The following ACSS1 variants were observed in gnomAD, a reference collection of about 807,000 sequenced individuals.
The protein encoded by ACSS1 is acetyl-coenzyme A synthetase 2-like, mitochondrial.
In ACSS1, 42 loss-of-function variants were observed where a neutral mutation model predicts 75.3. The ratio of observed to expected loss-of-function variants is 0.56; its 90% confidence interval spans 0.44 to 0.72. The LOEUF (loss-of-function observed/expected upper bound fraction) is 0.72, where lower values mean the gene tolerates loss of function less well. ACSS1 is among the 30% of genes least tolerant of loss of function. The pLI, the probability that ACSS1 is intolerant of heterozygous loss-of-function variation, is 0.00. For synonymous variants in ACSS1, 380 were observed against 376.8 expected (o/e 1.01, Z -0.10); for missense variants, 782 against 935.7 (o/e 0.84, Z 2.14).
intron 2 of ACSS1, among the ~76,000 whole-genome samples, chr20:25,037,032 A>AAGGAAGGAAGGAAGGAAGGAAG (rs1600336466): frequency 4.0e-5 from 4 of 100,106 alleles, no homozygotes; most frequent in Non-Finnish European, 6.4e-5. Context: ...AAGGAAGGAA[A>AAGGAAGGAAGGAAGGAAGGAAG]GAAAGAAAGA....
At chr20:25,014,661 G>C (rs376861413) in intron 8 of ACSS1, among the ~76,000 whole-genome samples, 1 of 152,170 alleles carries the variant, frequency 6.6e-6, no homozygotes, top group African/African-American at 2.4e-5. Flanking sequence ...CCCAAGAGAA[G>C]GGGGGACAAA....
At chr20:25,034,856 T>C (rs1985485) in intron 2 of ACSS1, among the ~76,000 whole-genome samples, 138,933 of 152,010 alleles carry the variant, frequency 0.91, 63,698 homozygotes, top group East Asian at 1. Context: ...GCATGAGCTA[T>C]CACCACGCCA....
intron 1 of ACSS1, among the ~76,000 whole-genome samples, chr20:25,052,345 A>G (rs1306288475): frequency 6.6e-6 from 1 of 152,230 alleles, no homozygotes; most frequent in Non-Finnish European, 1.5e-5. Context: ...AGTGTAGCTG[A>G]AACTCCACCT....
At chr20:25,050,781 A>G (rs2089164908) in intron 1 of ACSS1, among the ~76,000 whole-genome samples, 1 of 152,028 alleles carries the variant, frequency 6.6e-6, no homozygotes, top group African/African-American at 2.4e-5. Flanking sequence ...ACAGCCTCCC[A>G]GCCCAGCAGG....
chr20:25,006,546 G>A lies in ACSS1; in HGVS notation c.*1216C>T. The A allele has an allele frequency of 3.1e-6, 1 of 318,512 alleles. No homozygotes were observed. The highest frequency in any genetic ancestry group is 4.4e-5 in the South Asian group (1 of 22,698). 19.7% of individuals were successfully genotyped at this position (318,512 alleles called of 1,614,324 possible). ...GTGGCCCAGACACCCCCCGAACACT[G>A]GCACTGCCACAAGGCCCTGAAGGGT... On this transcript the variant is annotated 3_prime_UTR_variant, in exon 14 of 14. Transcript: ENST00000323482.
intron 2 of ACSS1, chr20:25,046,679 G>T: frequency 1.5e-6 from 1 of 659,842 alleles, no homozygotes. Flanking sequence ...CTCAGAAGGG[G>T]CTTTGTTCGC....
chr20:25,041,747 C>T (rs1045447816), intron 2 of ACSS1, among the ~76,000 whole-genome samples: 4 of 151,976 alleles, frequency 2.6e-5, no homozygotes, highest in Admixed American at 2.0e-4. Flanking sequence ...TTGTTGAAAA[C>T]GGGCTGGCCT....
At chr20:25,022,863 T>C in intron 5 of ACSS1, 77 bp downstream of exon 5, 1 of 1,488,072 alleles carries the variant, frequency 6.7e-7, no homozygotes. Flanking sequence ...GGCCTCGCTC[T>C]GCAGCAGGAG....
At chr20:25,037,955 C>T (rs1277194061) in intron 2 of ACSS1, among the ~76,000 whole-genome samples, 1 of 152,222 alleles carries the variant, frequency 6.6e-6, no homozygotes, top group African/African-American at 2.4e-5. Flanking sequence ...GCTCATAAAC[C>T]AAGTATGAAA....
Position 25,052,084 on chromosome 20 carries a change from G to A in ACSS1, c.335-3903C>T, listed in dbSNP as rs367599635. Among the ~76,000 whole-genome samples the A allele has an allele frequency of 2.4e-4, 36 of 152,170 alleles. 1 individual carries two copies. Among genetic ancestry groups the A allele is most frequent in the East Asian group, 2.1e-3 (11 of 5,192 alleles). On this transcript the variant is annotated intron_variant, in intron 1 of 13. Coordinates refer to ENST00000323482, the MANE Select transcript of ACSS1 (RefSeq NM_032501.4). ...GGGACAGTGGCCCTAACACCCATGTGCACATGGCTCTTCGCACATAGTTAT... is the reference window on the plus strand; with the variant it reads ...GGGACAGTGGCCCTAACACCCATGTACACATGGCTCTTCGCACATAGTTAT...
chr20:25,035,995 A>G (rs73346966), intron 2 of ACSS1, among the ~76,000 whole-genome samples: 1 of 152,200 alleles, frequency 6.6e-6, no homozygotes, highest in African/African-American at 2.4e-5. Flanking sequence ...CAGTTGCAGG[A>G]AACAGTGGCT....
chr20:25,031,030 C>A (rs1476626156), intron 2 of ACSS1, 72 bp from the exon 3 acceptor site: 3 of 1,477,338 alleles, frequency 2.0e-6, no homozygotes, highest in Non-Finnish European at 2.8e-6. Flanking sequence ...GGGGGTGGAG[C>A]AATACTGCAA....
chr20:25,021,300 C>T (rs1017744511), intron 6 of ACSS1, 89 bp downstream of exon 6: 5 of 1,500,266 alleles, frequency 3.3e-6, no homozygotes, highest in Middle Eastern at 2.2e-4. Context: ...CAGGCGTCCC[C>T]CTTCCATGAA....
chr20:25,034,902 G>GT (rs1196382240), intron 2 of ACSS1, among the ~76,000 whole-genome samples: 11 of 148,018 alleles, frequency 7.4e-5, no homozygotes, highest in Admixed American at 1.3e-4. Context: ...TTTGTTTTTT[G>GT]TTTTTTTTGA....
At chr20:25,015,556 C>G (rs1401101007) in intron 7 of ACSS1, among the ~76,000 whole-genome samples, 1 of 152,202 alleles carries the variant, frequency 6.6e-6, no homozygotes, top group East Asian at 1.9e-4. Context: ...CTTGGCCTCC[C>G]AAAGTGCTGG....
intron 12 of ACSS1, chr20:25,009,627 G>C (rs527393602): frequency 8.5e-5 from 44 of 517,780 alleles, no homozygotes; most frequent in African/African-American, 1.3e-4. Flanking sequence ...GTGTGGCTGA[G>C]AGCTTGGCAT....
Position 25,057,770 on chromosome 20 carries a change from A to G in ACSS1, c.333T>C (p.Ser111=). 1.3e-6 allele frequency: 2 copies of G among 1,574,698 alleles called. No individual in the cohort carries two copies. The highest frequency in any genetic ancestry group is 2.3e-5 in the South Asian group (2 of 88,594). Residue 111 remains serine, a splice_region_variant and synonymous_variant, in exon 1 of 14, where the codon TCT becomes TCC. Coordinates refer to ENST00000323482, the MANE Select transcript of ACSS1 (RefSeq NM_032501.4). ...CTGGGTCTCCCGAAGCCCACTCACC[A>G]GAGACATTTAACTGGCCTCCCAGGA... ...GWFLGGQLNV[S]VNCLDQHVRK...
At chr20:25,024,387 T>C (rs1307021292) in intron 3 of ACSS1, among the ~76,000 whole-genome samples, 1 of 152,178 alleles carries the variant, frequency 6.6e-6, no homozygotes, top group African/African-American at 2.4e-5. Flanking sequence ...TGTGCCCCAG[T>C]GCGGGATGAC....
chr20:25,009,589 T>G (rs977286618), intron 12 of ACSS1: 2 of 577,910 alleles, frequency 3.5e-6, no homozygotes, highest in African/African-American at 3.7e-5. Context: ...TTCTAACAGC[T>G]CCACAGATGT....
Sources: gnomAD v4.1 joint callset for allele counts (sites outside exome capture counted in the v4.1 genomes callset) on GRCh38, gnomAD v4.1.1 for gene constraint, MANE v1.5 for transcripts, NCBI Gene and HGNC (gene_info 2026-07-23, HGNC 2026-07-21) for gene names.